The following ITGA8 variants were observed in gnomAD, a reference collection of about 807,000 sequenced individuals.
ITGA8 encodes integrin alpha-8.
Under a neutral mutation model 142.3 loss-of-function variants are expected in ITGA8, and 91 were observed. The observed-to-expected ratio is 0.64, with a 90% CI of 0.54 to 0.76. The LOEUF (loss-of-function observed/expected upper bound fraction) is 0.76. Among genes scored for constraint, ITGA8 ranks in the 30% least tolerant of loss-of-function variants. The pLI is 0.00. For synonymous variants in ITGA8, 505 were observed against 485.2 expected, an observed-to-expected ratio of 1.04 and a Z score of -0.54; for missense variants, 1,406 against 1,327.7, an observed-to-expected ratio of 1.06 and a Z score of -0.92.
intron 3 of ITGA8, among the ~76,000 whole-genome samples, chr10:15,685,260 A>T (rs907320339): frequency 6.6e-6 from 1 of 152,258 alleles, no homozygotes; most frequent in Non-Finnish European, 1.5e-5. Context: ...AAGGAGAGTT[A>T]TCCAAATTAT....
intron 2 of ITGA8, among the ~76,000 whole-genome samples, chr10:15,709,286 C>T (rs1236281972): frequency 6.6e-6 from 1 of 152,238 alleles, no homozygotes; most frequent in African/African-American, 2.4e-5. Flanking sequence ...CCCGAAACTT[C>T]TCACTTTTCT....
chr10:15,567,514 A>C (rs116501397), intron 25 of ITGA8, among the ~76,000 whole-genome samples: 1 of 152,138 alleles, frequency 6.6e-6, no homozygotes, highest in Non-Finnish European at 1.5e-5. Context: ...AAAATCCTCT[A>C]TCTCTGACCT....
intron 4 of ITGA8, among the ~76,000 whole-genome samples, chr10:15,681,396 A>G (rs1834734618): frequency 6.6e-6 from 1 of 152,218 alleles, no homozygotes; most frequent in Non-Finnish European, 1.5e-5. Context: ...TATACACCAC[A>G]AAGGAAATAA....
chr10:15,698,397 A>T (rs1052090865), intron 2 of ITGA8, among the ~76,000 whole-genome samples: 1 of 152,160 alleles, frequency 6.6e-6, no homozygotes, highest in Admixed American at 6.5e-5. Context: ...TTTTTCATAT[A>T]ATGACTTCTT....
chr10:15,643,999 C>T (rs371954074), intron 13 of ITGA8, 31 bp downstream of exon 13: 6 of 1,588,418 alleles, frequency 3.8e-6, no homozygotes, highest in Non-Finnish European at 5.2e-6. Flanking sequence ...AGGACGTAGA[C>T]TCTCACGTGG....
chr10:15,680,449 A>G lies in ITGA8; in HGVS notation c.569-1666T>C, dbSNP rs557613700. ...CCGCTATATTTCATGATTTATGGTC[A>G]TGAATCCTATAAAGTTCCCTAAAAG... is the stretch of plus-strand genomic sequence containing the variant. On this transcript the variant is annotated intron_variant, in intron 4 of 29. Transcript: ENST00000378076. 2.0e-5 allele frequency among the ~76,000 whole-genome samples: 3 copies of G among 152,032 alleles called. No individual in the cohort carries two copies. In the South Asian group the frequency reaches 6.2e-4, roughly 32 times the overall value.
At chr10:15,545,535 T>C (rs1179903831) in intron 27 of ITGA8, among the ~76,000 whole-genome samples, 1 of 152,232 alleles carries the variant, frequency 6.6e-6, no homozygotes, top group East Asian at 1.9e-4. Flanking sequence ...TACCGCTGAC[T>C]TTAATGAACC....
chr10:15,637,504 A>ATT (rs59157680), intron 13 of ITGA8, among the ~76,000 whole-genome samples: 5,104 of 131,130 alleles, frequency 0.039, 293 homozygotes, highest in African/African-American at 0.13. Context: ...GACTCTTTAA[A>ATT]TTTTTTTTTT....
At chr10:15,599,166 A>G (rs141982030) in intron 20 of ITGA8, among the ~76,000 whole-genome samples, 10 of 152,164 alleles carry the variant, frequency 6.6e-5, no homozygotes, top group African/African-American at 2.4e-4. Context: ...GTTCTTTGAC[A>G]TCACTCAAAG....
chr10:15,609,409 A>T (rs191763884), intron 15 of ITGA8, among the ~76,000 whole-genome samples: 1 of 152,320 alleles, frequency 6.6e-6, no homozygotes, highest in South Asian at 2.1e-4. Context: ...TACTTTAATT[A>T]TGTGTCAGCT....
chr10:15,598,158 G>T (rs545987036), intron 20 of ITGA8, among the ~76,000 whole-genome samples: 1 of 151,954 alleles, frequency 6.6e-6, no homozygotes, highest in South Asian at 2.1e-4. Context: ...AGTCTAACTT[G>T]TTATGTGCCA....
At chr10:15,638,498 T>C (rs749307721) in intron 13 of ITGA8, among the ~76,000 whole-genome samples, 1 of 152,198 alleles carries the variant, frequency 6.6e-6, no homozygotes, top group Non-Finnish European at 1.5e-5. Context: ...AAGCCAACAC[T>C]GCCCACTCTT....
rs4030578 is a variant in ITGA8, at chr10:15,628,324, G to GTT, written c.1400-11767_1400-11766dup. On this transcript the variant is annotated intron_variant, in intron 13 of 29. Coordinates refer to ENST00000378076, the MANE Select transcript of ITGA8 (RefSeq NM_003638.3). ...ATGGATTCACCTCTAATTTATTTTGGTTTTTTTTTTTTTTTTTTTTTTTTT... is the reference window on the plus strand; with the variant it reads ...ATGGATTCACCTCTAATTTATTTTGGTTTTTTTTTTTTTTTTTTTTTTTTTTT... Among the ~76,000 whole-genome samples the GTT allele has an allele frequency of 4.9e-4, 30 of 61,564 alleles. 2 individuals carry two copies. Among genetic ancestry groups the GTT allele is most frequent in the African/African-American group, 1.8e-3 (27 of 14,738 alleles). 40.4% of individuals were successfully genotyped at this position (61,564 alleles called of 152,430 possible).
At chr10:15,645,347 A>G (rs1833961417) in intron 12 of ITGA8, among the ~76,000 whole-genome samples, 3 of 152,098 alleles carry the variant, frequency 2.0e-5, no homozygotes, top group Admixed American at 6.5e-5. Flanking sequence ...TGCTTCTTTT[A>G]TCTTTTAAAA....
At chr10:15,586,486 C>A in intron 23 of ITGA8, 98 bp downstream of exon 23, 1 of 676,298 alleles carries the variant, frequency 1.5e-6, no homozygotes. Context: ...GAACTGTGAT[C>A]TCTAATGCAT....
chr10:15,669,826 C>T (rs987457852), intron 8 of ITGA8, among the ~76,000 whole-genome samples: 3 of 152,150 alleles, frequency 2.0e-5, no homozygotes, highest in Admixed American at 6.6e-5. Context: ...TGCAGAATAG[C>T]AGATATTGGT....
chr10:15,549,199 C>CTTTTTTTTTTTTT (rs1564346419), intron 26 of ITGA8, among the ~76,000 whole-genome samples: 2 of 48,834 alleles, frequency 4.1e-5, no homozygotes, highest in African/African-American at 8.7e-5. Flanking sequence ...CTTTTCTTTT[C>CTTTTTTTTTTTTT]TGTTTTTTTT....
In ITGA8 at chr10:15,660,883, C is replaced by T; in HGVS notation, c.887G>A (p.Gly296Glu). Residue 296 changes from glycine to glutamate, a missense_variant, in exon 9 of 30, where the codon GGA becomes GAA. Transcript: ENST00000378076. ...TAATGCATTCTCAGTACTCACATAT[C>T]CAAAATTCTGTGCTCCTCTTGGAAT... Reference protein sequence around the residue: ...AGIPRGAQNFGYVSIINSTDM... With the variant: ...AGIPRGAQNFEYVSIINSTDM... 1 of 1,613,394 alleles carries T rather than the reference C, an allele frequency of 6.2e-7. No homozygotes were observed. The highest frequency in any genetic ancestry group is 8.5e-7 in the Non-Finnish European group (1 of 1,179,518).
intron 27 of ITGA8, among the ~76,000 whole-genome samples, chr10:15,540,823 C>T (rs1588633106): frequency 6.6e-6 from 1 of 152,140 alleles, no homozygotes; most frequent in Non-Finnish European, 1.5e-5. Flanking sequence ...AGGGAAGAAA[C>T]TGGCTGAAGG....
Sources: allele counts gnomAD v4.1 joint callset (sites outside exome capture counted in the v4.1 genomes callset), GRCh38; gene constraint gnomAD v4.1.1; transcripts MANE v1.5; gene names NCBI Gene and HGNC (gene_info 2026-07-23, HGNC 2026-07-21).